Variants in KCNC2 observed in about 807,000 individuals in gnomAD.
KCNC2 encodes voltage-gated potassium channel KCNC2.
In KCNC2, 21 loss-of-function variants were observed where a neutral mutation model predicts 44.5. The observed-to-expected ratio is 0.47, with a 90% confidence interval of 0.33 to 0.68. The LOEUF (loss-of-function observed/expected upper bound fraction) is 0.68. KCNC2 is among the 30% of genes least tolerant of loss of function. The probability of loss-of-function intolerance (pLI) is 0.01; values close to 1 mark genes in which losing one functional copy is unlikely to be tolerated. For synonymous variants in KCNC2, 391 were observed against 339.1 expected (o/e 1.15, Z -1.68); for missense variants, 589 against 826.2 (o/e 0.71, Z 3.52).
intron 2 of KCNC2, among the ~76,000 whole-genome samples, chr12:75,171,754 A>G (rs578119561): frequency 2.0e-4 from 31 of 151,962 alleles, no homozygotes; most frequent in South Asian, 1.7e-3. Flanking sequence ...AATAGCTAGA[A>G]GAGAAGATTT....
intron 2 of KCNC2, among the ~76,000 whole-genome samples, chr12:75,095,182 A>G (rs1344280434): frequency 6.6e-6 from 1 of 151,874 alleles, no homozygotes; most frequent in Non-Finnish European, 1.5e-5. Context: ...TTATTAGTAC[A>G]TAAAATTACA....
chr12:75,142,385 A>T (rs575559674), intron 2 of KCNC2, among the ~76,000 whole-genome samples: 5 of 152,364 alleles, frequency 3.3e-5, no homozygotes, highest in Admixed American at 2.0e-4. Flanking sequence ...AAATAAAATA[A>T]TAATAAAAAC....
chr12:75,161,281 A>T (rs1225853336), intron 2 of KCNC2, among the ~76,000 whole-genome samples: 1 of 151,738 alleles, frequency 6.6e-6, no homozygotes, highest in Admixed American at 6.6e-5. Flanking sequence ...AAACATCTGT[A>T]CATATAATAC....
intron 2 of KCNC2, among the ~76,000 whole-genome samples, chr12:75,057,419 C>A (rs1406127101): frequency 1.3e-5 from 2 of 151,998 alleles, no homozygotes; most frequent in Non-Finnish European, 2.9e-5. Context: ...TGGTTCCATG[C>A]AGAGCTGAGA....
At chr12:75,174,206 G>A (rs980608555) in intron 2 of KCNC2, among the ~76,000 whole-genome samples, 1 of 149,360 alleles carries the variant, frequency 6.7e-6, no homozygotes, top group Non-Finnish European at 1.5e-5. Flanking sequence ...TTTTTACACC[G>A]TGTATTTTTT....
At chr12:75,119,865 T>C (rs192774289) in intron 2 of KCNC2, among the ~76,000 whole-genome samples, 17 of 152,318 alleles carry the variant, frequency 1.1e-4, no homozygotes. Context: ...ACTAAATACA[T>C]GGTAGTTTAA....
chr12:75,110,653 C>T (rs1887159657), intron 2 of KCNC2, among the ~76,000 whole-genome samples: 1 of 152,044 alleles, frequency 6.6e-6, no homozygotes, highest in African/African-American at 2.4e-5. Flanking sequence ...GGATGATCTC[C>T]ATGAAGGGGA....
At chr12:75,066,632 CT>C (rs1882858130) in intron 2 of KCNC2, among the ~76,000 whole-genome samples, 2 of 152,106 alleles carry the variant, frequency 1.3e-5, no homozygotes, top group South Asian at 4.1e-4. Context: ...ATCCATTCAG[CT>C]TTTAATAAAC....
intron 2 of KCNC2, among the ~76,000 whole-genome samples, chr12:75,096,323 A>C (rs533586836): frequency 6.6e-6 from 1 of 152,162 alleles, no homozygotes; most frequent in South Asian, 2.1e-4. Flanking sequence ...ATTTTTAAAA[A>C]ATATTTTGGA....
In KCNC2 at chr12:75,042,310, T is replaced by A. The variant is rs200962743; in HGVS notation, c.*795A>T. 1 of 1,611,262 alleles carries A rather than the reference T, an allele frequency of 6.2e-7. No individual in the cohort carries two copies. The highest frequency in any genetic ancestry group is 8.5e-7 in the Non-Finnish European group (1 of 1,178,390). ...TCTCATGTTTTGTGCCTTCCCCAAGTCATTAAGTAAGAGATCTGGCCTCGG... is the reference window on the plus strand; with the variant it reads ...TCTCATGTTTTGTGCCTTCCCCAAGACATTAAGTAAGAGATCTGGCCTCGG... On this transcript the variant is annotated 3_prime_UTR_variant, in exon 5 of 5. Transcript: ENST00000549446.
intron 2 of KCNC2, among the ~76,000 whole-genome samples, chr12:75,180,679 T>A (rs1892513814): frequency 6.6e-6 from 1 of 151,870 alleles, no homozygotes; most frequent in African/African-American, 2.4e-5. Flanking sequence ...ACTATATTTA[T>A]AAGTGAGTTT....
intron 2 of KCNC2, among the ~76,000 whole-genome samples, chr12:75,056,778 A>C (rs1181206781): frequency 6.6e-6 from 1 of 152,090 alleles, no homozygotes; most frequent in Non-Finnish European, 1.5e-5. Context: ...TGTCTGTAAT[A>C]TAGCATTCCA....
Position 75,042,752 on chromosome 12 carries a change from C to T in KCNC2, c.*353G>A, listed in dbSNP as rs945208459. 56 of 1,146,040 alleles carry T rather than the reference C, an allele frequency of 4.9e-5. No individual in the cohort carries two copies. Among genetic ancestry groups the T allele is most frequent in the Non-Finnish European group, 5.6e-5 (52 of 932,254 alleles). 71.0% of individuals were successfully genotyped at this position (1,146,040 alleles called of 1,614,324 possible). A position where few individuals can be genotyped will look rare whatever the true frequency, so the allele number is the denominator to read the frequency against. ...GTTTACAGTCACAAGAAATAAAGTTCCAATGAAGTGGTTGGCATTTGGAAG... is the reference window on the plus strand; with the variant it reads ...GTTTACAGTCACAAGAAATAAAGTTTCAATGAAGTGGTTGGCATTTGGAAG... On this transcript the variant is annotated 3_prime_UTR_variant, in exon 5 of 5. Coordinates refer to ENST00000549446, the MANE Select transcript of KCNC2 (RefSeq NM_139137.4).
Position 75,042,206 on chromosome 12 carries a change from A to AT in KCNC2, c.*898dup, listed in dbSNP as rs537467144. 0.021 allele frequency: 20,009 copies of AT among 960,450 alleles called. 29 individuals carry two copies. The highest frequency in any genetic ancestry group is 0.045 in the African/African-American group (2,648 of 58,576). The allele number at this position is 960,450 out of a possible 1,614,324, so 59.5% of individuals were successfully genotyped here. A position where few individuals can be genotyped will look rare whatever the true frequency, so the allele number is the denominator to read the frequency against. On this transcript the variant is annotated 3_prime_UTR_variant, in exon 5 of 5. Coordinates refer to ENST00000549446, the MANE Select transcript of KCNC2 (RefSeq NM_139137.4). ...CTGAAAATGATGACAAACCCTGGGT[A>AT]TTTTTTTTTTTTAAAGAGTCTAGAA...
At chr12:75,198,273 G>A (rs1360674243) in intron 2 of KCNC2, among the ~76,000 whole-genome samples, 1 of 151,806 alleles carries the variant, frequency 6.6e-6, no homozygotes, top group Admixed American at 6.6e-5. Flanking sequence ...TATGAAAGTT[G>A]CTCAACTTTG....
At chr12:75,144,620 T>TTGTG (rs71650077) in intron 2 of KCNC2, among the ~76,000 whole-genome samples, 3,457 of 146,556 alleles carry the variant, frequency 0.024, 131 homozygotes, top group African/African-American at 0.079. Flanking sequence ...GGGTGTACTT[T>TTGTG]TGTGTGTGTG....
At chr12:75,086,681 A>AAAATATATATATATATAT (rs1206456289) in intron 2 of KCNC2, among the ~76,000 whole-genome samples, 20 of 54,170 alleles carry the variant, frequency 3.7e-4, no homozygotes, top group South Asian at 6.1e-4. Context: ...AAAAAAAAAA[A>AAAATATATATATATATAT]ATATATATAT....
chr12:75,142,327 T>C (rs745505324), intron 2 of KCNC2, among the ~76,000 whole-genome samples: 7 of 152,200 alleles, frequency 4.6e-5, no homozygotes, highest in Non-Finnish European at 8.8e-5. Flanking sequence ...TTTCTCATTA[T>C]ACTATTTAGA....
rs757081755 is a variant in KCNC2, at chr12:75,207,835, G to C, written c.149C>G (p.Ala50Gly). The C allele has an allele frequency of 6.2e-7, 1 of 1,609,630 alleles. No homozygotes were observed. The highest frequency in any genetic ancestry group is 1.3e-5 in the African/African-American group (1 of 74,502). Residue 50 changes from alanine (A) to glycine (G), a missense_variant, in exon 2 of 5, where the codon GCG (alanine) becomes GGG (glycine). Physicochemically the swap from Ala to Gly is moderately conservative, Grantham distance 60. This residue lies in a region of KCNC2 where 148 missense variants were observed against 140.1 expected (regional missense o/e 1.06). Coordinates refer to ENST00000549446, the MANE Select transcript of KCNC2 (RefSeq NM_139137.4). The surrounding 1 kb of genome is among the most constrained non-coding windows in gnomAD (Gnocchi z 4.1). The stretch of plus-strand genomic sequence containing the variant: ...CGGCGACGGCTGCAGCTTGTCGCCC[G>C]CCGTGGTCAAGCAGTCGCCTGGGGG... ...SEPPGDCLTT[A>G]GDKLQPSPPP...
Sources: gnomAD v4.1 joint callset for allele counts (sites outside exome capture counted in the v4.1 genomes callset) on GRCh38, gnomAD v4.1.1 for gene constraint, gnomAD v4.1.1 regional missense constraint, Gnocchi (gnomAD v3.1) non-coding constraint, MANE v1.5 for transcripts, NCBI Gene and HGNC (gene_info 2026-07-23, HGNC 2026-07-21) for gene names.